The following ZFHX3 variants were observed in gnomAD, a reference collection of about 807,000 sequenced individuals.
ZFHX3 encodes zinc finger homeobox 3.
ZFHX3 carries 42 observed loss-of-function variants against 279.1 expected under a neutral mutation model. The ratio of observed to expected loss-of-function variants is 0.15; its 90% CI spans 0.12 to 0.19. The LOEUF is 0.19. ZFHX3 is among the 10% of genes least tolerant of loss of function. The probability of loss-of-function intolerance (pLI) is 1.00; values close to 1 mark genes in which losing one functional copy is unlikely to be tolerated. For missense variants in ZFHX3, 4,981 were observed against 4,754.0 expected, an observed-to-expected ratio of 1.05 and a Z score of -1.40; for synonymous variants, 2,293 against 1,957.8, an observed-to-expected ratio of 1.17 and a Z score of -4.52.
At chr16:73,450,080 C>T (rs1315012667) in intron 3 of ZFHX3, among the ~76,000 whole-genome samples, 2 of 152,096 alleles carry the variant, frequency 1.3e-5, no homozygotes, top group African/African-American at 4.8e-5. Context: ...TATACATATA[C>T]ACTGTGTACT....
chr16:73,202,531 G>A (rs750255406), intron 5 of ZFHX3, among the ~76,000 whole-genome samples: 3 of 152,130 alleles, frequency 2.0e-5, no homozygotes, highest in East Asian at 1.9e-4. Flanking sequence ...GAAGATGTTC[G>A]GGCTGCTGGA....
In ZFHX3 at chr16:73,225,292, C is replaced by T. The variant is rs914198249; in HGVS notation, c.-1104+31755G>A. Among the ~76,000 whole-genome samples the T allele has an allele frequency of 2.0e-5, 3 of 152,226 alleles. No individual in the cohort carries two copies. In the South Asian group the frequency reaches 6.2e-4, roughly 32 times the overall value. The stretch of plus-strand genomic sequence containing the variant: ...ATTTGAGGCTTATTATTCTGAACAG[C>T]CCTATAGGCTATAAATCAAGCCAGG... On this transcript the variant is annotated intron_variant, in intron 5 of 17. Coordinates refer to the ZFHX3 transcript ENST00000641206.
intron 7 of ZFHX3, among the ~76,000 whole-genome samples, chr16:73,110,945 TTA>T (rs1283360490): frequency 6.6e-6 from 1 of 152,086 alleles, no homozygotes; most frequent in Non-Finnish European, 1.5e-5. Context: ...TTTTATGATT[TTA>T]TGTTTTTTTT....
intron 3 of ZFHX3, among the ~76,000 whole-genome samples, chr16:73,418,646 A>C (rs898882529): frequency 6.6e-6 from 1 of 152,198 alleles, no homozygotes; most frequent in African/African-American, 2.4e-5. Context: ...TGTGTACGTT[A>C]GTGATACATT....
At chr16:73,169,895 C>A (rs914200496) in intron 5 of ZFHX3, among the ~76,000 whole-genome samples, 2 of 152,180 alleles carry the variant, frequency 1.3e-5, no homozygotes, top group South Asian at 4.2e-4. Context: ...AATTAGGTAC[C>A]CCTGTTGTAG....
chr16:73,758,603 T>C (rs1183333827), intron 1 of ZFHX3, among the ~76,000 whole-genome samples: 1 of 152,154 alleles, frequency 6.6e-6, no homozygotes, highest in Non-Finnish European at 1.5e-5. Context: ...AATTACAGCT[T>C]TGCTAAGAGC....
At position 72,917,687 on chromosome 16, in the gene ZFHX3, C is replaced by T. The variant is rs150724865; in HGVS notation, c.3217-27725G>A. On this transcript the variant is annotated intron_variant, in intron 3 of 9. Transcript: ENST00000268489. ...ATTCTACGAAATAATAATATCACAT[C>T]TGTACAGAAGAGGCCAAAATGACAT... Among the ~76,000 whole-genome samples the T allele has an allele frequency of 3.9e-5, 6 of 152,316 alleles. No homozygotes were observed. The East Asian group carries it at 1.2e-3, about 29-fold the overall frequency.
In ZFHX3 at chr16:72,788,615, T is replaced by G. The variant is rs1194967091; in HGVS notation, c.9661A>C (p.Thr3221Pro). Residue 3221 changes from threonine (T) to proline (P), a missense_variant, in exon 10 of 10, where the codon ACA becomes CCA. Physicochemically the swap from Thr to Pro is conservative, Grantham distance 38. Transcript: ENST00000268489. ...PPPPAAQPPP[T>P]PQLPLQQQQQ... The stretch of plus-strand genomic sequence containing the variant: ...TGCTGTTGCAGTGGGAGCTGTGGTG[T>G]GGGTGGCGGCTGGGCTGCTGGCGGC... 3.1e-6 allele frequency: 5 copies of G among 1,613,486 alleles called. No homozygotes were observed. The South Asian group carries it at 5.5e-5, about 18-fold the overall frequency.
chr16:73,312,710 C>T (rs764875859), intron 4 of ZFHX3, among the ~76,000 whole-genome samples: 15 of 152,222 alleles, frequency 9.9e-5, no homozygotes, highest in African/African-American at 1.7e-4. Flanking sequence ...CACAACTCTA[C>T]ATTTGCCTCG....
At chr16:72,989,965 G>A (rs1963014968) in intron 1 of ZFHX3, among the ~76,000 whole-genome samples, 1 of 152,204 alleles carries the variant, frequency 6.6e-6, no homozygotes, top group African/African-American at 2.4e-5. Context: ...GCAGGAGTCA[G>A]GAGGCCCAGA....
chr16:73,436,311 A>C (rs2017996976), intron 3 of ZFHX3, among the ~76,000 whole-genome samples: 1 of 152,124 alleles, frequency 6.6e-6, no homozygotes, highest in Non-Finnish European at 1.5e-5. Flanking sequence ...ACAAGAGTGA[A>C]ACTCCGTCTC....
chr16:73,593,870 T>C (rs1409577312), intron 2 of ZFHX3, among the ~76,000 whole-genome samples: 1 of 152,228 alleles, frequency 6.6e-6, no homozygotes, highest in Non-Finnish European at 1.5e-5. Context: ...TAAAAACTTT[T>C]AGCAAACTAG....
At position 73,279,065 on chromosome 16, in the gene ZFHX3, G is replaced by A. The variant is rs372393857; in HGVS notation, c.-1193-21929C>T. ...ACTTCCTTTATAATCTTAAACTTCC[G>A]GTCTATGCATTCTTTTTGTAATCTT... On this transcript the variant is annotated intron_variant, in intron 4 of 17. Transcript: ENST00000641206. Among the ~76,000 whole-genome samples the A allele has an allele frequency of 1.5e-4, 23 of 152,014 alleles. 1 individual carries two copies. Among genetic ancestry groups the A allele is most frequent in the South Asian group, 1.2e-3 (6 of 4,818 alleles).
chr16:73,381,890 G>A (rs181420079), intron 3 of ZFHX3, among the ~76,000 whole-genome samples: 6 of 152,322 alleles, frequency 3.9e-5, no homozygotes, highest in South Asian at 4.1e-4. Flanking sequence ...TGTGGACTGC[G>A]GGTTGGACAA....
chr16:73,257,826 G>T (rs140237984), intron 4 of ZFHX3, among the ~76,000 whole-genome samples: 1 of 152,362 alleles, frequency 6.6e-6, no homozygotes, highest in African/African-American at 2.4e-5. Context: ...ACAGGCAAGA[G>T]CACTTAAGTG....
chr16:73,523,404 T>C (rs1257830228), intron 2 of ZFHX3, among the ~76,000 whole-genome samples: 2 of 152,158 alleles, frequency 1.3e-5, no homozygotes, highest in African/African-American at 4.8e-5. Flanking sequence ...CAGCATGTGA[T>C]GTGCCTGCCA....
At chr16:73,621,174 G>GAGTC (rs1009676545) in intron 2 of ZFHX3, among the ~76,000 whole-genome samples, 1 of 152,152 alleles carries the variant, frequency 6.6e-6, no homozygotes, top group Admixed American at 6.6e-5. Context: ...ACTGTATCCT[G>GAGTC]AGTCTTTATC....
At chr16:73,777,508 CA>C (rs34744186) in intron 1 of ZFHX3, among the ~76,000 whole-genome samples, 84 of 62,632 alleles carry the variant, frequency 1.3e-3, no homozygotes, top group African/African-American at 4.5e-3. Context: ...GACTCTGTCT[CA>C]AAAAAAAAAA....
chr16:72,877,063 C>A (rs1360230359), intron 4 of ZFHX3, among the ~76,000 whole-genome samples: 2 of 152,048 alleles, frequency 1.3e-5, no homozygotes, highest in Non-Finnish European at 2.9e-5. Flanking sequence ...CTACCAAAAC[C>A]AAAAAATAGT....
Sources: allele counts gnomAD v4.1 joint callset (sites outside exome capture counted in the v4.1 genomes callset), GRCh38; gene constraint gnomAD v4.1.1; transcripts MANE v1.5; gene names NCBI Gene and HGNC (gene_info 2026-07-23, HGNC 2026-07-21).